COPB2: variants seen among roughly 807,000 people sequenced by gnomAD.
COPB2 encodes coat protein complex I subunit beta 2, also known as coatomer subunit beta'.
In COPB2, 16 loss-of-function variants were observed where a neutral mutation model predicts 120.8. The ratio of observed to expected loss-of-function variants is 0.13; its 90% confidence interval spans 0.09 to 0.20. The LOEUF (loss-of-function observed/expected upper bound fraction) is 0.20. Among genes scored for constraint, COPB2 ranks in the 10% least tolerant of loss-of-function variants. The probability of loss-of-function intolerance (pLI) is 1.00; values close to 1 mark genes in which losing one functional copy is unlikely to be tolerated. For synonymous variants in COPB2, 332 were observed against 366.3 expected, an observed-to-expected ratio of 0.91 and a Z score of 1.07; for missense variants, 794 against 1,076.5, an observed-to-expected ratio of 0.74 and a Z score of 3.67.
chr3:139,370,383 C>T (rs1576373497), intron 10 of COPB2, among the ~76,000 whole-genome samples: 1 of 152,318 alleles, frequency 6.6e-6, no homozygotes, highest in East Asian at 1.9e-4. Context: ...CCATGCAACT[C>T]AGAACACTGG....
In COPB2 at chr3:139,389,647, G is replaced by C. The variant is rs1162619545; in HGVS notation, c.-97C>G. 2.3e-6 allele frequency: 3 copies of C among 1,310,922 alleles called. No individual in the cohort carries two copies. In the African/African-American group the frequency reaches 4.5e-5, roughly 20 times the overall value. The allele number at this position is 1,310,922 out of a possible 1,614,324, so 81.2% of individuals were successfully genotyped here. Reference sequence around the variant, plus strand: ...TCCACTGACCGTCAGACTGACTGACGTGGAACTTCCGGGAGCCGATTCTCG... The same window carrying C: ...TCCACTGACCGTCAGACTGACTGACCTGGAACTTCCGGGAGCCGATTCTCG... On this transcript the variant is annotated 5_prime_UTR_variant, in exon 1 of 22. Coordinates refer to ENST00000333188, the MANE Select transcript of COPB2 (RefSeq NM_004766.3).
At chr3:139,386,430 T>A (rs188783712) in intron 1 of COPB2, among the ~76,000 whole-genome samples, 1 of 152,226 alleles carries the variant, frequency 6.6e-6, no homozygotes, top group Non-Finnish European at 1.5e-5. Flanking sequence ...AATTTTTGTA[T>A]TTTTAGAGAC....
Position 139,358,282 on chromosome 3 carries a change from A to G in COPB2, c.2554-11T>C. 2 of 1,609,480 alleles carry G rather than the reference A, an allele frequency of 1.2e-6. No homozygotes were observed. Among genetic ancestry groups the G allele is most frequent in the Non-Finnish European group, 1.7e-6 (2 of 1,175,864 alleles). ...TTTCCCATCAAGTTCCTGAAACCACAAGTGAAGATATATATGAAGACAAGG... is the reference window on the plus strand; with the variant it reads ...TTTCCCATCAAGTTCCTGAAACCACGAGTGAAGATATATATGAAGACAAGG... On this transcript the variant is annotated splice_polypyrimidine_tract_variant and intron_variant, in intron 20 of 21. Coordinates refer to ENST00000333188, the MANE Select transcript of COPB2 (RefSeq NM_004766.3).
intron 1 of COPB2, among the ~76,000 whole-genome samples, chr3:139,387,734 C>G (rs1941949414): frequency 6.6e-6 from 1 of 152,204 alleles, no homozygotes; most frequent in African/African-American, 2.4e-5. Context: ...ATTTAAATTT[C>G]AGTTCCACCA....
chr3:139,383,239 A>G (rs1941847481), intron 2 of COPB2, 59 bp downstream of exon 2: 2 of 1,576,998 alleles, frequency 1.3e-6, no homozygotes, highest in East Asian at 4.5e-5. Context: ...CTTCTCTTTC[A>G]TTATAAACAC....
intron 5 of COPB2, 72 bp downstream of exon 5, chr3:139,377,969 T>G (rs61613815): frequency 0.034 from 46,471 of 1,354,860 alleles, 888 homozygotes; most frequent in South Asian, 0.047. Flanking sequence ...TTCTGACCAG[T>G]CAACAGTAAA....
At chr3:139,366,104 T>C (rs1171500262) in intron 15 of COPB2, among the ~76,000 whole-genome samples, 5 of 152,128 alleles carry the variant, frequency 3.3e-5, no homozygotes, top group African/African-American at 1.2e-4. Context: ...TAATTACCTC[T>C]AGGGAGTAGA....
At position 139,373,423 on chromosome 3, in the gene COPB2, G is replaced by C. The variant is rs1941658269; in HGVS notation, c.895-11C>G. 6.2e-7 allele frequency: 1 copy of C among 1,613,392 alleles called. No individual in the cohort carries two copies. On this transcript the variant is annotated splice_polypyrimidine_tract_variant and intron_variant, in intron 8 of 21. Coordinates refer to ENST00000333188, the MANE Select transcript of COPB2 (RefSeq NM_004766.3). The stretch of plus-strand genomic sequence containing the variant: ...TTCCTCCCGACCAAGCTGAAAGAAA[G>C]AAAAATAGCTCTCAGCAATGAAAAG...
intron 13 of COPB2, among the ~76,000 whole-genome samples, chr3:139,367,654 AAAAAC>A (rs1189071285): frequency 6.6e-6 from 1 of 152,312 alleles, no homozygotes; most frequent in South Asian, 2.1e-4. Flanking sequence ...AAACAGAAAA[AAAAAC>A]AAAACAAAAC....
chr3:139,359,263 T>A lies in COPB2; in HGVS notation c.2303+7A>T. ...AAACATTTCTTCCTAAAATTAAAAGTCTGTACCTTGAAACCTGACTGGGTA... is the reference window on the plus strand; with the variant it reads ...AAACATTTCTTCCTAAAATTAAAAGACTGTACCTTGAAACCTGACTGGGTA... On this transcript the variant is annotated splice_region_variant and intron_variant, in intron 18 of 21. Transcript: ENST00000333188. The A allele has an allele frequency of 6.2e-7, 1 of 1,614,028 alleles. No homozygotes were observed. The highest frequency in any genetic ancestry group is 1.3e-5 in the African/African-American group (1 of 75,018).
intron 15 of COPB2, among the ~76,000 whole-genome samples, chr3:139,365,531 G>A (rs1941498828): frequency 6.6e-6 from 1 of 152,186 alleles, no homozygotes; most frequent in South Asian, 2.1e-4. Flanking sequence ...CCCCTAAAAT[G>A]AGGGAGCAAA....
chr3:139,362,608 TAC>T (rs1351140705), intron 15 of COPB2, 91 bp from the exon 16 acceptor site: 1 of 584,630 alleles, frequency 1.7e-6, no homozygotes, highest in Non-Finnish European at 2.5e-6. Flanking sequence ...ATATACAGTG[TAC>T]ACACATTCAC....
At chr3:139,383,027 C>A in intron 2 of COPB2, 2 of 423,156 alleles carry the variant, frequency 4.7e-6, no homozygotes, top group Non-Finnish European at 8.5e-6. Flanking sequence ...TTCTATAATA[C>A]CATCAGTTTT....
intron 15 of COPB2, among the ~76,000 whole-genome samples, chr3:139,364,928 A>G (rs1602626): frequency 0.077 from 11,672 of 152,236 alleles, 511 homozygotes; most frequent in Middle Eastern, 0.14. Flanking sequence ...GAAGCATACC[A>G]TATAGGGGGA....
intron 6 of COPB2, 57 bp downstream of exon 6, chr3:139,375,411 T>C (rs1941694702): frequency 2.6e-6 from 4 of 1,557,838 alleles, no homozygotes; most frequent in Non-Finnish European, 3.5e-6. Flanking sequence ...AACTGTCCTA[T>C]AAGAAATAGT....
chr3:139,362,718 G>A (rs1006240930), intron 15 of COPB2, among the ~76,000 whole-genome samples: 2 of 152,054 alleles, frequency 1.3e-5, no homozygotes, highest in African/African-American at 2.4e-5. Context: ...GAACAAACCT[G>A]GCAGATAAAA....
Position 139,389,580 on chromosome 3 carries a change from CGTTT to C in COPB2, c.-34_-31del, listed in dbSNP as rs1163909790. 3 of 1,570,234 alleles carry C rather than the reference CGTTT, an allele frequency of 1.9e-6. No individual in the cohort carries two copies. In the African/African-American group the frequency reaches 4.1e-5, roughly 21 times the overall value. The stretch of plus-strand genomic sequence containing the variant: ...GCGTCGGTCCAATCCCGGGAACCCT[CGTTT>C]GTTACCGGCTACTCAGGCCTTGAGA... On this transcript the variant is annotated 5_prime_UTR_variant, in exon 1 of 22. Coordinates refer to ENST00000333188, the MANE Select transcript of COPB2 (RefSeq NM_004766.3).
intron 6 of COPB2, 35 bp from the exon 7 acceptor site, chr3:139,374,623 T>G: frequency 6.4e-7 from 1 of 1,553,102 alleles, no homozygotes; most frequent in South Asian, 1.1e-5. Context: ...GTTTTATTAA[T>G]GAAAAACATG....
chr3:139,373,855 A>C (rs781002772), intron 7 of COPB2, 47 bp from the exon 8 acceptor site: 29 of 1,607,852 alleles, frequency 1.8e-5, no homozygotes, highest in Middle Eastern at 1.7e-4. Context: ...AACATCCGAC[A>C]ATAAACTGTG....
Sources: gnomAD v4.1 joint callset for allele counts (sites outside exome capture counted in the v4.1 genomes callset) on GRCh38, gnomAD v4.1.1 for gene constraint, MANE v1.5 for transcripts, NCBI Gene and HGNC (gene_info 2026-07-23, HGNC 2026-07-21) for gene names.